WNT7B: variants seen among roughly 807,000 people sequenced by gnomAD.
The protein encoded by WNT7B is Wnt family member 7B, also known as protein Wnt-7b.
Under a neutral mutation model 38.2 loss-of-function variants are expected in WNT7B, and 19 were observed. That is an observed-to-expected ratio of 0.50 (90% confidence interval 0.35 to 0.73). WNT7B has a LOEUF of 0.73. Among genes scored for constraint, WNT7B ranks in the 30% least tolerant of loss-of-function variants. The probability of loss-of-function intolerance (pLI) is 0.01; values close to 1 mark genes in which losing one functional copy is unlikely to be tolerated. For synonymous variants in WNT7B, 243 were observed against 209.3 expected (o/e 1.16, Z -1.39); for missense variants, 423 against 507.9 (o/e 0.83, Z 1.61).
intron 1 of WNT7B, among the ~76,000 whole-genome samples, chr22:45,971,481 C>T (rs1601744348): frequency 6.6e-6 from 1 of 152,322 alleles, no homozygotes; most frequent in East Asian, 1.9e-4. Flanking sequence ...TCTGCCTTGC[C>T]GGGCACACAC....
In WNT7B at chr22:45,922,094, A is replaced by C. The variant is rs865873716; in HGVS notation, c.*762T>G. 1.3e-5 allele frequency: 2 copies of C among 152,236 alleles called. No homozygotes were observed. The highest frequency in any genetic ancestry group is 2.9e-5 in the Non-Finnish European group (2 of 68,058). The allele number at this position is 152,236 out of a possible 1,614,324, so 9.4% of individuals were successfully genotyped here. On this transcript the variant is annotated 3_prime_UTR_variant, in exon 4 of 4. Transcript: ENST00000339464. ...GATTTTCAAAAGAAGGAAAGACGGC[A>C]TGGAGGAGCCTGTCCATGGCTCTCC... is the stretch of plus-strand genomic sequence containing the variant.
At chr22:45,942,868 T>TGC (rs963294187) in intron 2 of WNT7B, among the ~76,000 whole-genome samples, 12 of 151,834 alleles carry the variant, frequency 7.9e-5, no homozygotes, top group Non-Finnish European at 1.6e-4. Context: ...TGTGTGTGTG[T>TGC]GTGCGTGTGT....
Position 45,920,475 on chromosome 22 carries a change from C to G in WNT7B, c.*2381G>C, listed in dbSNP as rs576578755. ...CGCCATCACCCCCATCTGGGCCACC[C>G]TGACCCCCGTCTCACCCAGGCAAAG... On this transcript the variant is annotated 3_prime_UTR_variant, in exon 4 of 4. Transcript: ENST00000339464. 3.3e-5 allele frequency: 5 copies of G among 152,308 alleles called. No homozygotes were observed. Among genetic ancestry groups the G allele is most frequent in the Admixed American group, 2.0e-4 (3 of 15,284 alleles). The allele number at this position is 152,308 out of a possible 1,614,324, so 9.4% of individuals were successfully genotyped here. A position where few individuals can be genotyped will look rare whatever the true frequency, so the allele number is the denominator to read the frequency against.
chr22:45,973,370 C>T (rs1183037513), intron 1 of WNT7B, among the ~76,000 whole-genome samples: 1 of 152,172 alleles, frequency 6.6e-6, no homozygotes. Context: ...GATGGCAAGA[C>T]AAGGGAAGGC....
At chr22:45,950,921 T>C (rs1163492691) in intron 1 of WNT7B, among the ~76,000 whole-genome samples, 1 of 152,242 alleles carries the variant, frequency 6.6e-6, no homozygotes, top group Non-Finnish European at 1.5e-5. Flanking sequence ...GGCAGGGGCC[T>C]TATTGCAACA....
At position 45,951,508 on chromosome 22, in the gene WNT7B, C is replaced by A. The variant is rs1247490869; in HGVS notation, c.72-1362G>T. On this transcript the variant is annotated intron_variant, in intron 1 of 3. Transcript: ENST00000339464. The surrounding 1 kb of genome is among the most constrained non-coding windows in gnomAD (Gnocchi z 4.8). Reference sequence around the variant, plus strand: ...ACCGTCAGGTTCCCAGATATTTCTGCCACCCCAGAAGGAAACTGTACCCAT... The same window carrying A: ...ACCGTCAGGTTCCCAGATATTTCTGACACCCCAGAAGGAAACTGTACCCAT... Among the ~76,000 whole-genome samples the A allele has an allele frequency of 6.6e-6, 1 of 151,920 alleles. No individual in the cohort carries two copies. Among genetic ancestry groups the A allele is most frequent in the Non-Finnish European group, 1.5e-5 (1 of 68,032 alleles).
Position 45,965,591 on chromosome 22 carries a change from AG to A in WNT7B, c.71+11092del, listed in dbSNP as rs756619609. On this transcript the variant is annotated intron_variant, in intron 1 of 3. Coordinates refer to ENST00000339464, the MANE Select transcript of WNT7B (RefSeq NM_058238.3). The surrounding 1 kb of genome is among the most constrained non-coding windows in gnomAD (Gnocchi z 6.5). ...GTTGCCGCAAGCCCACAGCTGAGCC[AG>A]GAACAGGACCTGGGCATCCAGGACC... 1.3e-5 allele frequency among the ~76,000 whole-genome samples: 2 copies of A among 152,202 alleles called. No homozygotes were observed. The highest frequency in any genetic ancestry group is 2.4e-5 in the African/African-American group (1 of 41,442).
chr22:45,939,189 G>A (rs577625997), intron 2 of WNT7B, among the ~76,000 whole-genome samples: 18 of 152,292 alleles, frequency 1.2e-4, no homozygotes, highest in South Asian at 4.1e-4. Flanking sequence ...TGAGATGCTC[G>A]TGGCAGTGTG....
rs1421634278 is a variant in WNT7B at position 45,949,938 on chromosome 22, C to T, written c.280G>A (p.Gly94Arg). 1.2e-6 allele frequency: 2 copies of T among 1,609,474 alleles called. No individual in the cohort carries two copies. Among genetic ancestry groups the T allele is most frequent in the Non-Finnish European group, 1.7e-6 (2 of 1,176,708 alleles). The change falls in exon 2 of 4, where the codon GGG (glycine) becomes AGG (arginine). Residue 94 changes from glycine to arginine, a missense_variant. Physicochemically the swap from Gly to Arg is moderately radical, Grantham distance 125. Transcript: ENST00000339464. ...CSALGEKTVF[G>R]QELRVGSREA... ...CCCTTACCTACTCGGAGCTCTTGCC[C>T]GAAGACGGTCTTCTCGCCGAGGGCA...
chr22:45,942,896 TGTGCGCGCGTGTGTGCA>T (rs1931688783), intron 2 of WNT7B, among the ~76,000 whole-genome samples: 1 of 150,984 alleles, frequency 6.6e-6, no homozygotes, highest in Non-Finnish European at 1.5e-5. Flanking sequence ...TGTGCGTGTG[TGTGCGCGCGTGTGTGCA>T]GTGTGCACGT....
chr22:45,954,173 T>C (rs1163983399), intron 1 of WNT7B, among the ~76,000 whole-genome samples: 1 of 152,106 alleles, frequency 6.6e-6, no homozygotes, highest in East Asian at 1.9e-4. Flanking sequence ...CCACGTACTG[T>C]GTGGTTCCAT....
Position 45,975,622 on chromosome 22 carries a change from T to C in WNT7B, c.71+1062A>G. The C allele has an allele frequency of 1.4e-6, 1 of 714,660 alleles. No homozygotes were observed. The highest frequency in any genetic ancestry group is 2.6e-6 in the Non-Finnish European group (1 of 383,596). The allele number at this position is 714,660 out of a possible 1,614,324, so 44.3% of individuals were successfully genotyped here. ...CAGCGCCTGCTTCCACCTCTCCGCC[T>C]GGGAAGCCGCGTCTCCCACCAGTGG... On this transcript the variant is annotated intron_variant, in intron 1 of 3. Coordinates refer to ENST00000339464, the MANE Select transcript of WNT7B (RefSeq NM_058238.3). This position sits in a 1 kb window ranked among gnomAD's most constrained non-coding sequence, Gnocchi z 6.6.
At chr22:45,944,194 C>T (rs531907198) in intron 2 of WNT7B, among the ~76,000 whole-genome samples, 9 of 152,330 alleles carry the variant, frequency 5.9e-5, no homozygotes, top group African/African-American at 1.9e-4. Flanking sequence ...CACTCTTGTC[C>T]GTCTCTCAGG....
chr22:45,942,217 G>A (rs567906553), intron 2 of WNT7B, among the ~76,000 whole-genome samples: 4 of 152,328 alleles, frequency 2.6e-5, no homozygotes, highest in Admixed American at 1.3e-4. Flanking sequence ...TGTGGCACCC[G>A]TGTCCAGGCT....
chr22:45,948,907 C>A (rs190333671), intron 2 of WNT7B, among the ~76,000 whole-genome samples: 149 of 144,402 alleles, frequency 1.0e-3, no homozygotes, highest in African/African-American at 3.7e-3. Flanking sequence ...TACAATGGTG[C>A]CATCTCGGCT....
At chr22:45,952,592 G>A (rs114368192) in intron 1 of WNT7B, among the ~76,000 whole-genome samples, 2,139 of 152,366 alleles carry the variant, frequency 0.014, 55 homozygotes, top group African/African-American at 0.049. Flanking sequence ...GGCAGAGCCC[G>A]CCTCAGTCCC....
intron 1 of WNT7B, among the ~76,000 whole-genome samples, chr22:45,969,893 G>A (rs1932394705): frequency 6.6e-6 from 1 of 152,326 alleles, no homozygotes; most frequent in Admixed American, 6.5e-5. Flanking sequence ...CATCGAGTGC[G>A]CCTGCAGTGC....
intron 2 of WNT7B, among the ~76,000 whole-genome samples, chr22:45,940,338 G>C (rs932238241): frequency 6.6e-6 from 1 of 152,044 alleles, no homozygotes; most frequent in Non-Finnish European, 1.5e-5. Flanking sequence ...ATCTGACCAG[G>C]ACCCCAGAGT....
At chr22:45,954,539 T>C in intron 1 of WNT7B, 2 of 980,572 alleles carry the variant, frequency 2.0e-6, no homozygotes, top group Non-Finnish European at 2.4e-6. Context: ...CTGCTTGCCT[T>C]CTTGCACGCT....
Sources: allele counts gnomAD v4.1 joint callset (sites outside exome capture counted in the v4.1 genomes callset), GRCh38; gene constraint gnomAD v4.1.1; non-coding constraint Gnocchi (gnomAD v3.1); transcripts MANE v1.5; gene names NCBI Gene and HGNC (gene_info 2026-07-23, HGNC 2026-07-21).